The following LMNTD1 variants were observed in gnomAD, a reference collection of about 807,000 sequenced individuals.
LMNTD1 encodes the protein lamin tail domain-containing protein 1.
Under a neutral mutation model 50.9 loss-of-function variants are expected in LMNTD1, and 35 were observed. That is an observed-to-expected ratio of 0.69 (90% CI 0.53 to 0.91). The LOEUF is 0.91. Ranked by LOEUF, LMNTD1 falls within the 40% of genes least tolerant of loss-of-function variation. The pLI, the probability that LMNTD1 is intolerant of heterozygous loss-of-function variation, is 0.00. For missense variants in LMNTD1, 470 were observed against 475.5 expected, an observed-to-expected ratio of 0.99 and a Z score of 0.11; for synonymous variants, 153 against 161.9, an observed-to-expected ratio of 0.94 and a Z score of 0.42.
At chr12:25,501,044 CAG>C (rs879857179) in intron 9 of LMNTD1, among the ~76,000 whole-genome samples, 229 of 152,268 alleles carry the variant, frequency 1.5e-3, no homozygotes, top group Middle Eastern at 6.8e-3. Flanking sequence ...GGCTGGAGTG[CAG>C]TGGTGCAATC....
chr12:25,493,817 C>G (rs1256555724), intron 9 of LMNTD1, among the ~76,000 whole-genome samples: 1 of 152,116 alleles, frequency 6.6e-6, no homozygotes, highest in Non-Finnish European at 1.5e-5. Flanking sequence ...AACTGCTTGA[C>G]AAATAGAACA....
rs553069067 is a variant in LMNTD1, at chr12:25,549,643, CT to C, written c.90-98del. On this transcript the variant is annotated intron_variant, in intron 2 of 9. Coordinates refer to ENST00000458174, the MANE Select transcript of LMNTD1 (RefSeq NM_001145728.2). ...GCTATTATTATTACCCAGAATTCTGCTTTTCAAAGGTAATATGCATCCAACA... is the reference window on the plus strand; with the variant it reads ...GCTATTATTATTACCCAGAATTCTGCTTTCAAAGGTAATATGCATCCAACA... 141 of 618,408 alleles carry C rather than the reference CT, an allele frequency of 2.3e-4. 1 individual carries two copies. The South Asian group carries it at 4.7e-3, about 21-fold the overall frequency. 38.3% of individuals were successfully genotyped at this position (618,408 alleles called of 1,614,324 possible). A position where few individuals can be genotyped will look rare whatever the true frequency, so the allele number is the denominator to read the frequency against.
At chr12:25,509,873 A>G (rs2135978432) in intron 8 of LMNTD1, among the ~76,000 whole-genome samples, 1 of 152,354 alleles carries the variant, frequency 6.6e-6, no homozygotes, top group East Asian at 1.9e-4. Flanking sequence ...AGATGCAAGG[A>G]AAGATAATTT....
At position 25,519,586 on chromosome 12, in the gene LMNTD1, T is replaced by TTAAAAAAAA. The variant is rs781742784; in HGVS notation, c.1016+271_1016+272insTTTTTTTTA. Among the ~76,000 whole-genome samples the TTAAAAAAAA allele has an allele frequency of 9.3e-5, 7 of 74,938 alleles. No individual in the cohort carries two copies. In the Admixed American group the frequency reaches 1.1e-3, roughly 12 times the overall value. 49.2% of individuals were successfully genotyped at this position (74,938 alleles called of 152,430 possible). A position where few individuals can be genotyped will look rare whatever the true frequency, so the allele number is the denominator to read the frequency against. ...CTGGGTGACAGAGCGAGACTCTGTCTCAAAAAAAAAAAAAAAAAAAAAGTG... is the reference window on the plus strand; with the variant it reads ...CTGGGTGACAGAGCGAGACTCTGTCTTAAAAAAAACAAAAAAAAAAAAAAAAAAAAAGTG... On this transcript the variant is annotated intron_variant, in intron 7 of 9. Coordinates refer to ENST00000458174, the MANE Select transcript of LMNTD1 (RefSeq NM_001145728.2).
chr12:25,597,828 C>T lies in LMNTD1; in HGVS notation c.58+50666G>A, dbSNP rs915155510. ...CTGATCACAATGGAATAAAACTATACATTAATAAGAGAAATTTTGGAAATT... is the reference window on the plus strand; with the variant it reads ...CTGATCACAATGGAATAAAACTATATATTAATAAGAGAAATTTTGGAAATT... On this transcript the variant is annotated intron_variant, in intron 1 of 7. Transcript: ENST00000445693. Among the ~76,000 whole-genome samples, 5 of 152,050 alleles carry T rather than the reference C, an allele frequency of 3.3e-5. No homozygotes were observed. In the South Asian group the frequency reaches 1.0e-3, roughly 32 times the overall value.
At chr12:25,644,957 G>T (rs1180634481) in intron 1 of LMNTD1, among the ~76,000 whole-genome samples, 1 of 152,206 alleles carries the variant, frequency 6.6e-6, no homozygotes, top group African/African-American at 2.4e-5. Flanking sequence ...TAAGTCATCA[G>T]CTATGAATAG....
At chr12:25,632,481 G>A (rs751368540) in intron 1 of LMNTD1, among the ~76,000 whole-genome samples, 25 of 152,182 alleles carry the variant, frequency 1.6e-4, no homozygotes, top group Non-Finnish European at 3.2e-4. Flanking sequence ...AAGGGATTGA[G>A]GCCATATCTT....
At chr12:25,506,257 G>A (rs1006533946) in intron 8 of LMNTD1, among the ~76,000 whole-genome samples, 4 of 152,130 alleles carry the variant, frequency 2.6e-5, no homozygotes, top group Non-Finnish European at 2.9e-5. Flanking sequence ...TCACAGTGTG[G>A]CTTTGCCACA....
Position 25,503,498 on chromosome 12 carries a change from T to A in LMNTD1, c.*22+240A>T, listed in dbSNP as rs141828247. Among the ~76,000 whole-genome samples the A allele has an allele frequency of 2.1e-4, 32 of 152,298 alleles. No individual in the cohort carries two copies. The East Asian group carries it at 5.4e-3, about 26-fold the overall frequency. On this transcript the variant is annotated intron_variant, in intron 9 of 9. Coordinates refer to ENST00000458174, the MANE Select transcript of LMNTD1 (RefSeq NM_001145728.2). ...GCCATCAACAAGGATAAATTGAGGA[T>A]ATGGGGCAAAAAGTAAAGATGTGAC...
At chr12:25,608,763 T>G (rs939036653) in intron 1 of LMNTD1, among the ~76,000 whole-genome samples, 6 of 152,228 alleles carry the variant, frequency 3.9e-5, no homozygotes, top group African/African-American at 1.4e-4. Flanking sequence ...ATTTTTTCCT[T>G]CATTTCAACC....
At position 25,553,060 on chromosome 12, in the gene LMNTD1, T is replaced by C. The variant is rs768910535; in HGVS notation, c.-31+9A>G. 1 of 1,612,018 alleles carries C rather than the reference T, an allele frequency of 6.2e-7. No homozygotes were observed. The highest frequency in any genetic ancestry group is 8.5e-7 in the Non-Finnish European group (1 of 1,178,112). On this transcript the variant is annotated intron_variant, in intron 1 of 9. Coordinates refer to ENST00000458174, the MANE Select transcript of LMNTD1 (RefSeq NM_001145728.2). Reference sequence around the variant, plus strand: ...TCAAGGCAGATTTTTCTTTTCAAAGTGACCTCACCTGTTAATCCAACTACC... The same window carrying C: ...TCAAGGCAGATTTTTCTTTTCAAAGCGACCTCACCTGTTAATCCAACTACC...
At chr12:25,547,574 T>G (rs546956273) in intron 3 of LMNTD1, among the ~76,000 whole-genome samples, 1 of 151,754 alleles carries the variant, frequency 6.6e-6, no homozygotes, top group East Asian at 1.9e-4. Flanking sequence ...CAAAACAAGG[T>G]GAAAGATATA....
At chr12:25,490,135 C>T (rs1938836229) in intron 9 of LMNTD1, among the ~76,000 whole-genome samples, 1 of 151,966 alleles carries the variant, frequency 6.6e-6, no homozygotes, top group South Asian at 2.1e-4. Flanking sequence ...GTAACACTAT[C>T]CCTTACTTTT....
intron 1 of LMNTD1, among the ~76,000 whole-genome samples, chr12:25,581,859 G>A (rs1358123577): frequency 6.6e-6 from 1 of 152,186 alleles, no homozygotes; most frequent in Non-Finnish European, 1.5e-5. Context: ...CACAATCTAA[G>A]TATTTGTGTA....
intron 1 of LMNTD1, among the ~76,000 whole-genome samples, chr12:25,566,175 A>C (rs957808052): frequency 1.3e-5 from 2 of 152,054 alleles, no homozygotes; most frequent in Non-Finnish European, 2.9e-5. Flanking sequence ...CCTTTGAATA[A>C]ACTTTCTACC....
At chr12:25,634,365 A>C (rs1403168369) in intron 1 of LMNTD1, among the ~76,000 whole-genome samples, 1 of 152,174 alleles carries the variant, frequency 6.6e-6, no homozygotes, top group African/African-American at 2.4e-5. Context: ...TACCAAAACC[A>C]GGAAAGGACA....
At chr12:25,502,103 C>T (rs1039230714) in intron 9 of LMNTD1, among the ~76,000 whole-genome samples, 2 of 151,916 alleles carry the variant, frequency 1.3e-5, no homozygotes, top group African/African-American at 4.8e-5. Flanking sequence ...AGTCTTTTAC[C>T]GTGGTAGTTA....
intron 9 of LMNTD1, among the ~76,000 whole-genome samples, chr12:25,488,807 T>G (rs1442645300): frequency 2.0e-5 from 3 of 152,218 alleles, no homozygotes; most frequent in Non-Finnish European, 2.9e-5. Flanking sequence ...CAGATGGGTT[T>G]TCGGTGTGGA....
At chr12:25,601,084 G>A (rs897891014) in intron 1 of LMNTD1, among the ~76,000 whole-genome samples, 2 of 151,940 alleles carry the variant, frequency 1.3e-5, no homozygotes, top group Non-Finnish European at 2.9e-5. Context: ...CAAAGAAAAT[G>A]TGGTACTATA....
Sources: gnomAD v4.1 joint callset for allele counts (sites outside exome capture counted in the v4.1 genomes callset) on GRCh38, gnomAD v4.1.1 for gene constraint, MANE v1.5 for transcripts, NCBI Gene and HGNC (gene_info 2026-07-23, HGNC 2026-07-21) for gene names.